Variants in UTS2B observed in about 807,000 individuals in gnomAD.
UTS2B encodes the protein urotensin 2B.
Under a neutral mutation model 19.2 loss-of-function variants are expected in UTS2B, and 21 were observed. The observed-to-expected ratio is 1.09, with a 90% confidence interval of 0.78 to 1.58. UTS2B has a LOEUF of 1.58. UTS2B is among the 40% of genes most tolerant of loss of function. The pLI, the probability that UTS2B is intolerant of heterozygous loss-of-function variation, is 0.00. For synonymous variants in UTS2B, 57 were observed against 50.2 expected (o/e 1.14, Z -0.58); for missense variants, 138 against 130.3 (o/e 1.06, Z -0.29).
At position 191,282,208 on chromosome 3, in the gene UTS2B, G is replaced by C. The variant is rs773032066; in HGVS notation, c.-19C>G. ...TGTTCATGTTAAAAAAAACCTTCTG[G>C]ACTAGCAAAGAAACAGACTTTCCAG... is the stretch of plus-strand genomic sequence containing the variant. On this transcript the variant is annotated 5_prime_UTR_variant, in exon 5 of 9. Transcript: ENST00000340524. The C allele has an allele frequency of 6.4e-7, 1 of 1,568,990 alleles. No homozygotes were observed. Among genetic ancestry groups the C allele is most frequent in the South Asian group, 1.1e-5 (1 of 88,246 alleles).
intron 2 of UTS2B, among the ~76,000 whole-genome samples, chr3:191,317,295 C>CG (rs1315519722): frequency 3.9e-5 from 6 of 152,148 alleles, no homozygotes; most frequent in African/African-American, 7.2e-5. Flanking sequence ...TCTCTGAGTG[C>CG]GGGGGGGCCT....
At chr3:191,320,040 G>A (rs1200393362) in intron 2 of UTS2B, among the ~76,000 whole-genome samples, 1 of 152,056 alleles carries the variant, frequency 6.6e-6, no homozygotes, top group African/African-American at 2.4e-5. Flanking sequence ...ACTATTCTAT[G>A]TACTGACAAT....
intron 8 of UTS2B, among the ~76,000 whole-genome samples, chr3:191,274,804 T>C (rs1716185639): frequency 2.0e-5 from 3 of 152,138 alleles, no homozygotes; most frequent in Admixed American, 1.3e-4. Flanking sequence ...GGAAAAATTA[T>C]CCAAAAGCAT....
At chr3:191,284,533 ACG>A (rs765011298) in intron 4 of UTS2B, among the ~76,000 whole-genome samples, 3 of 137,394 alleles carry the variant, frequency 2.2e-5, no homozygotes, top group Non-Finnish European at 4.9e-5. Flanking sequence ...TGCTGGTCAC[ACG>A]CTGGTCTTGA....
chr3:191,287,178 A>C (rs1367806564), intron 4 of UTS2B, among the ~76,000 whole-genome samples: 1 of 152,122 alleles, frequency 6.6e-6, no homozygotes, highest in African/African-American at 2.4e-5. Context: ...ATTCAACCAA[A>C]CATTTAAATA....
chr3:191,301,591 A>C (rs1174537067), intron 4 of UTS2B, among the ~76,000 whole-genome samples: 2 of 144,338 alleles, frequency 1.4e-5, no homozygotes, highest in Admixed American at 1.5e-4. Context: ...GGTTCACACC[A>C]TTCTCCTGCC....
chr3:191,301,741 G>C (rs952573893), intron 4 of UTS2B, among the ~76,000 whole-genome samples: 1 of 151,352 alleles, frequency 6.6e-6, no homozygotes, highest in Non-Finnish European at 1.5e-5. Context: ...CGCCCGCCTC[G>C]GCCTCCCAAA....
the UTS2B span, among the ~76,000 whole-genome samples, chr3:191,342,769 A>G: frequency 1.3e-5 from 2 of 152,236 alleles, no homozygotes; most frequent in African/African-American, 2.4e-5. Flanking sequence ...GATACATGGA[A>G]TAAAAATAAA....
chr3:191,289,364 G>T (rs1000262574), intron 4 of UTS2B, among the ~76,000 whole-genome samples: 1 of 151,526 alleles, frequency 6.6e-6, no homozygotes, highest in African/African-American at 2.4e-5. Context: ...AGTGGAGATT[G>T]CGCCACTGCA....
intron 4 of UTS2B, among the ~76,000 whole-genome samples, chr3:191,301,483 A>ATTTT (rs750203551): frequency 1.7e-3 from 191 of 113,812 alleles, no homozygotes; most frequent in Non-Finnish European, 2.3e-3. Flanking sequence ...ATTTTTGGTA[A>ATTTT]TTTTTTTTTT....
Position 191,278,134 on chromosome 3 carries a change from C to T in UTS2B, c.140G>A (p.Arg47His), listed in dbSNP as rs201110644. Residue 47 changes from arginine to histidine, a missense_variant, in exon 6 of 9, where the codon CGT (arginine) becomes CAT (histidine). By Grantham distance (29) the Arg-to-His change is conservative. Coordinates refer to ENST00000340524, the MANE Select transcript of UTS2B (RefSeq NM_198152.5). ...EIFPDKKYTN[R>H]EELLLALLNK... Reference sequence around the variant, plus strand: ...CAGTAGAGCCAGCAATAGTTCCTCACGATTTGTATATTTTTTATCTGGAAA... The same window carrying T: ...CAGTAGAGCCAGCAATAGTTCCTCATGATTTGTATATTTTTTATCTGGAAA... The T allele has an allele frequency of 5.0e-5, 78 of 1,559,766 alleles. No individual in the cohort carries two copies. The highest frequency in any genetic ancestry group is 1.7e-4 in the Middle Eastern group (1 of 5,936).
intron 4 of UTS2B, among the ~76,000 whole-genome samples, chr3:191,302,414 G>A (rs998930439): frequency 1.3e-5 from 2 of 152,166 alleles, no homozygotes; most frequent in African/African-American, 4.8e-5. Context: ...AGCCCTCAGG[G>A]CTGCTCAGCC....
chr3:191,301,711 G>A (rs1019257874), intron 4 of UTS2B, among the ~76,000 whole-genome samples: 3 of 151,460 alleles, frequency 2.0e-5, no homozygotes, highest in African/African-American at 7.3e-5. Context: ...GGATGGTCTC[G>A]ATCTCCTGAC....
rs568773440 is a variant in UTS2B at position 191,273,773 on chromosome 3, C to A, written c.334+1479G>T. Among the ~76,000 whole-genome samples, 30 of 152,332 alleles carry A rather than the reference C, an allele frequency of 2.0e-4. No homozygotes were observed. The South Asian group carries it at 2.1e-3, about 11-fold the overall frequency. On this transcript the variant is annotated intron_variant, in intron 8 of 8. Transcript: ENST00000340524. ...TTATCCTTGGCTCAATAAACAGAAA[C>A]TGTCCTTTGTTCCTAGTTGCTCAAA...
intron 2 of UTS2B, among the ~76,000 whole-genome samples, chr3:191,324,458 T>C (rs971695949): frequency 6.6e-6 from 1 of 152,160 alleles, no homozygotes; most frequent in African/African-American, 2.4e-5. Flanking sequence ...AGGGACCTGG[T>C]GGGAGATAAT....
chr3:191,275,620 C>T (rs1311356113), intron 7 of UTS2B, among the ~76,000 whole-genome samples: 1 of 151,746 alleles, frequency 6.6e-6, no homozygotes, highest in African/African-American at 2.4e-5. Context: ...GTGGAGACTG[C>T]AGTGAGCCGA....
At chr3:191,277,285 AT>A (rs1716263626) in intron 6 of UTS2B, among the ~76,000 whole-genome samples, 1 of 152,046 alleles carries the variant, frequency 6.6e-6, no homozygotes, top group Non-Finnish European at 1.5e-5. Flanking sequence ...TTGGGTATAA[AT>A]TTTTTGTTTT....
intron 2 of UTS2B, among the ~76,000 whole-genome samples, chr3:191,324,454 C>A (rs1489986896): frequency 6.6e-6 from 1 of 152,162 alleles, no homozygotes; most frequent in African/African-American, 2.4e-5. Flanking sequence ...TGGGAGGGAC[C>A]TGGTGGGAGA....
upstream of UTS2B, among the ~76,000 whole-genome samples, chr3:191,332,172 A>G (rs1718011446): frequency 6.6e-6 from 1 of 152,200 alleles, no homozygotes; most frequent in Non-Finnish European, 1.5e-5. Flanking sequence ...GGTCGTGGGT[A>G]GCAGCTGACA....
Sources: allele counts gnomAD v4.1 joint callset (sites outside exome capture counted in the v4.1 genomes callset), GRCh38; gene constraint gnomAD v4.1.1; transcripts MANE v1.5; gene names NCBI Gene and HGNC (gene_info 2026-07-23, HGNC 2026-07-21).